Variants in HIVEP1 observed in about 807,000 individuals in gnomAD.
HIVEP1 encodes the protein zinc finger protein 40.
In HIVEP1, 36 loss-of-function variants were observed where a neutral mutation model predicts 180.0. That is an observed-to-expected ratio of 0.20 (90% CI 0.15 to 0.26). The LOEUF (loss-of-function observed/expected upper bound fraction) is 0.26, where lower values mean the gene tolerates loss of function less well. Ranked by LOEUF, HIVEP1 falls within the 10% of genes least tolerant of loss-of-function variation. HIVEP1 has a pLI of 1.00. For missense variants in HIVEP1, 3,143 were observed against 3,268.7 expected (o/e 0.96, Z 0.94); for synonymous variants, 1,239 against 1,239.0 (o/e 1.00, Z 0.00).
At chr6:12,101,166 CA>C in intron 3 of HIVEP1, among the ~76,000 whole-genome samples, 1 of 152,206 alleles carries the variant, frequency 6.6e-6, no homozygotes, top group Non-Finnish European at 1.5e-5. Flanking sequence ...CCAGCTATAT[CA>C]TAGCCAAAGA....
intron 2 of HIVEP1, among the ~76,000 whole-genome samples, chr6:12,067,993 AC>A (rs1771709679): frequency 6.6e-6 from 1 of 151,950 alleles, no homozygotes; most frequent in South Asian, 2.1e-4. Context: ...TATTTTTCAT[AC>A]CTTTTTAATT....
At chr6:12,019,181 C>T (rs1168542681) in intron 2 of HIVEP1, among the ~76,000 whole-genome samples, 1 of 152,136 alleles carries the variant, frequency 6.6e-6, no homozygotes, top group Non-Finnish European at 1.5e-5. Flanking sequence ...GCTTCTGAGC[C>T]AGTGTAGCTC....
At chr6:12,137,171 AGT>A (rs1047480698) in intron 7 of HIVEP1, among the ~76,000 whole-genome samples, 8 of 152,356 alleles carry the variant, frequency 5.3e-5, no homozygotes, top group African/African-American at 1.9e-4. Context: ...AAAGTGGAAA[AGT>A]GTGTAAGAGT....
intron 7 of HIVEP1, among the ~76,000 whole-genome samples, chr6:12,152,509 C>T (rs1759765913): frequency 6.6e-6 from 1 of 152,086 alleles, no homozygotes; most frequent in Non-Finnish European, 1.5e-5. Context: ...TGTTTTGGTG[C>T]CATGGATGTT....
At chr6:12,068,036 TA>T (rs1209009868) in intron 2 of HIVEP1, among the ~76,000 whole-genome samples, 1 of 152,178 alleles carries the variant, frequency 6.6e-6, no homozygotes, top group Non-Finnish European at 1.5e-5. Flanking sequence ...GGCTGTGCTT[TA>T]GAAGAGATGC....
chr6:12,153,902 C>T (rs1156407397), intron 7 of HIVEP1, among the ~76,000 whole-genome samples: 1 of 152,132 alleles, frequency 6.6e-6, no homozygotes, highest in African/African-American at 2.4e-5. Context: ...AATCCCAGCA[C>T]TTTGGGAGGC....
intron 7 of HIVEP1, among the ~76,000 whole-genome samples, chr6:12,139,500 G>A (rs904819657): frequency 6.6e-6 from 1 of 152,230 alleles, no homozygotes; most frequent in East Asian, 1.9e-4. Flanking sequence ...AGTGGGTGCA[G>A]CCCACAGAGG....
intron 7 of HIVEP1, among the ~76,000 whole-genome samples, chr6:12,160,221 A>C (rs1348636004): frequency 6.6e-6 from 1 of 152,246 alleles, no homozygotes; most frequent in Admixed American, 6.5e-5. Flanking sequence ...TAAAAGTTCC[A>C]CATGAGCTTA....
chr6:12,191,833 A>G, the HIVEP1 span, among the ~76,000 whole-genome samples: 29 of 152,348 alleles, frequency 1.9e-4, no homozygotes, highest in African/African-American at 6.7e-4. Flanking sequence ...CGAAAACACA[A>G]TAGAGATCAT....
rs370463932 is a variant in HIVEP1 at position 12,143,189 on chromosome 6, G to T, written c.6487+7297G>T. On this transcript the variant is annotated intron_variant, in intron 7 of 8. Coordinates refer to ENST00000379388, the MANE Select transcript of HIVEP1 (RefSeq NM_002114.4). ...GCACATCTAAAAGTTTATCCACCAT[G>T]ATCAAGTCGGCTTCATCCCTGGGAT... is the stretch of plus-strand genomic sequence containing the variant. Among the ~76,000 whole-genome samples the T allele has an allele frequency of 9.2e-3, 1,400 of 152,294 alleles. 8 individuals carry two copies. Among genetic ancestry groups the T allele is most frequent in the South Asian group, 0.017 (81 of 4,822 alleles).
At chr6:12,079,364 C>T (rs1450949509) in intron 2 of HIVEP1, among the ~76,000 whole-genome samples, 1 of 152,038 alleles carries the variant, frequency 6.6e-6, no homozygotes, top group African/African-American at 2.4e-5. Context: ...TGGTTTAATA[C>T]CTATTAAAAA....
intron 1 of HIVEP1, among the ~76,000 whole-genome samples, chr6:12,014,044 C>T (rs1423372993): frequency 6.6e-6 from 1 of 152,184 alleles, no homozygotes; most frequent in African/African-American, 2.4e-5. Context: ...AATAGTTCAG[C>T]GTTTTTGTGT....
chr6:12,084,411 A>G (rs1470280150), intron 2 of HIVEP1, among the ~76,000 whole-genome samples: 1 of 152,164 alleles, frequency 6.6e-6, no homozygotes, highest in East Asian at 1.9e-4. Flanking sequence ...TCGGAGGTTA[A>G]AATGGGTTGA....
rs1199174220 is a variant in HIVEP1, at chr6:12,125,536, A to C, written c.5741A>C (p.Gln1914Pro). The C allele has an allele frequency of 6.2e-7, 1 of 1,614,206 alleles. No individual in the cohort carries two copies. The highest frequency in any genetic ancestry group is 8.5e-7 in the Non-Finnish European group (1 of 1,180,022). Reference sequence around the variant, plus strand: ...AAAGTGAACATCCAAGAGCAAAGTCAACAGCCAGTCACTTCTCTTTCATTG... The same window carrying C: ...AAAGTGAACATCCAAGAGCAAAGTCCACAGCCAGTCACTTCTCTTTCATTG... ...GDKVNIQEQS[Q>P]QPVTSLSLFN... The change falls in exon 4 of 9, where the codon CAA (glutamine) becomes CCA (proline). Residue 1914 changes from glutamine to proline, a missense_variant. Physicochemically the swap from Gln to Pro is moderately conservative, Grantham distance 76. Around this residue, in one of 12 missense-constraint regions of HIVEP1, gnomAD observed 1,357 missense variants for 1,260.5 expected, o/e 1.08. Coordinates refer to ENST00000379388, the MANE Select transcript of HIVEP1 (RefSeq NM_002114.4).
chr6:12,037,633 G>A (rs1769368814), intron 2 of HIVEP1: 1 of 393,368 alleles, frequency 2.5e-6, no homozygotes, highest in African/African-American at 2.1e-5. Context: ...GTAGCAGTGA[G>A]TGTTTTCCTG....
chr6:12,124,048 A>G lies in HIVEP1; in HGVS notation c.4253A>G (p.His1418Arg), dbSNP rs1247204051. 2.5e-6 allele frequency: 4 copies of G among 1,614,022 alleles called. No homozygotes were observed. The highest frequency in any genetic ancestry group is 1.1e-5 in the South Asian group (1 of 91,082). The part of the protein sequence containing the change: ...SSPSRVGVTG[H>R]VPLLERRRGP... ...CCTTCTCGAGTGGGAGTGACTGGGC[A>G]TGTGCCTCTCTTAGAAAGAAGGAGA... is the stretch of plus-strand genomic sequence containing the variant. The change falls in exon 4 of 9, where the codon CAT becomes CGT. Residue 1418 changes from histidine (H) to arginine (R), a missense_variant. By Grantham distance (29) the His-to-Arg change is conservative. Transcript: ENST00000379388.
At chr6:12,162,923 C>G (rs2113692664) in intron 8 of HIVEP1, among the ~76,000 whole-genome samples, 1 of 152,210 alleles carries the variant, frequency 6.6e-6, no homozygotes, top group African/African-American at 2.4e-5. Flanking sequence ...GCTGGTAGTG[C>G]CAGAAACAGA....
chr6:12,205,809 C>G, the HIVEP1 span, among the ~76,000 whole-genome samples: 31 of 152,214 alleles, frequency 2.0e-4, no homozygotes, highest in Admixed American at 1.7e-3. Flanking sequence ...CCTAAGGGCA[C>G]AGATCATAGA....
chr6:12,118,539 C>T (rs972579912), intron 3 of HIVEP1, among the ~76,000 whole-genome samples: 2 of 152,164 alleles, frequency 1.3e-5, no homozygotes, highest in African/African-American at 4.8e-5. Context: ...TTATTTCCAA[C>T]ACAACTAGAA....
Sources: allele counts gnomAD v4.1 joint callset (sites outside exome capture counted in the v4.1 genomes callset), GRCh38; gene constraint gnomAD v4.1.1; regional missense constraint gnomAD v4.1.1; transcripts MANE v1.5; gene names NCBI Gene and HGNC (gene_info 2026-07-23, HGNC 2026-07-21).